Variants in ZSCAN25 observed in about 807,000 individuals in gnomAD.
ZSCAN25 encodes the protein zinc finger and SCAN domain-containing protein 25.
A neutral mutation model predicts 38.7 loss-of-function variants in ZSCAN25; 27 were observed. That is an observed-to-expected ratio of 0.70 (90% CI 0.51 to 0.96). The LOEUF is 0.96. ZSCAN25 is among the 40% of genes least tolerant of loss of function. The pLI, the probability that ZSCAN25 is intolerant of heterozygous loss-of-function variation, is 0.00. For missense variants in ZSCAN25, 637 were observed against 705.9 expected, an observed-to-expected ratio of 0.90 and a Z score of 1.11; for synonymous variants, 273 against 277.7, an observed-to-expected ratio of 0.98 and a Z score of 0.17.
chr7:99,655,668 G>T, the ZSCAN25 span, among the ~76,000 whole-genome samples: 1 of 152,150 alleles, frequency 6.6e-6, no homozygotes, highest in African/African-American at 2.4e-5. Context: ...ATTACCTTGG[G>T]CAGTATGGCC....
the ZSCAN25 span, chr7:99,695,610 C>G: frequency 2.7e-6 from 2 of 737,964 alleles, no homozygotes; most frequent in Admixed American, 2.8e-5. Context: ...TTGCCATGCT[C>G]TGGATGATGC....
At chr7:99,713,311 A>G in the ZSCAN25 span, among the ~76,000 whole-genome samples, 1 of 152,246 alleles carries the variant, frequency 6.6e-6, no homozygotes, top group Non-Finnish European at 1.5e-5. Context: ...GCATGCCTCT[A>G]GAAGTTGCCT....
the ZSCAN25 span, among the ~76,000 whole-genome samples, chr7:99,703,399 T>C: frequency 4.6e-5 from 7 of 152,212 alleles, no homozygotes; most frequent in East Asian, 9.6e-4. Context: ...GGGCGCTAAG[T>C]GTGCTCATTG....
the ZSCAN25 span, among the ~76,000 whole-genome samples, chr7:99,722,996 A>G: frequency 6.6e-6 from 1 of 151,274 alleles, no homozygotes; most frequent in Non-Finnish European, 1.5e-5. Context: ...ACAGAAAATT[A>G]TGACACTTGC....
the ZSCAN25 span, chr7:99,650,302 T>G: frequency 6.7e-7 from 1 of 1,493,010 alleles, no homozygotes; most frequent in Non-Finnish European, 9.2e-7. Flanking sequence ...TTAGGGGTTC[T>G]TACTTAAGAA....
the ZSCAN25 span, chr7:99,709,049 C>T: frequency 6.2e-7 from 1 of 1,613,958 alleles, no homozygotes; most frequent in Non-Finnish European, 8.5e-7. Context: ...CAGGGAGGAA[C>T]TTCTCAGGCT....
rs1286469339 is a variant in ZSCAN25, at chr7:99,619,589, C to T, written c.-18C>T. The T allele has an allele frequency of 3.1e-6, 5 of 1,601,994 alleles. No homozygotes were observed. The highest frequency in any genetic ancestry group is 3.4e-6 in the Non-Finnish European group (4 of 1,173,062). On this transcript the variant is annotated 5_prime_UTR_variant, in exon 4 of 8. Coordinates refer to ENST00000394152, the MANE Select transcript of ZSCAN25 (RefSeq NM_145115.3). ...CATTGATGCAGTCATTCTCAGTCTC[C>T]TCGGAGGGAGTCTGAAGATGCTTAA...
the ZSCAN25 span, among the ~76,000 whole-genome samples, chr7:99,718,671 A>G: frequency 6.2e-4 from 95 of 152,328 alleles, no homozygotes; most frequent in African/African-American, 2.2e-3. Flanking sequence ...TATACTGGGA[A>G]AAAGAATTAA....
the ZSCAN25 span, among the ~76,000 whole-genome samples, chr7:99,714,905 CT>C: frequency 6.6e-6 from 1 of 152,184 alleles, no homozygotes; most frequent in African/African-American, 2.4e-5. Flanking sequence ...TCAGCAGCCC[CT>C]TCTGCATCTT....
At chr7:99,715,706 A>G in the ZSCAN25 span, 98 of 1,612,610 alleles carry the variant, frequency 6.1e-5, no homozygotes, top group Non-Finnish European at 8.1e-5. Flanking sequence ...ATCTCAATAA[A>G]GCAGTTATTT....
In ZSCAN25 at chr7:99,631,206, A is replaced by G. The variant is rs757731252; in HGVS notation, c.*1186A>G. The G allele has an allele frequency of 1.0e-6, 1 of 985,250 alleles. No homozygotes were observed. The highest frequency in any genetic ancestry group is 1.2e-6 in the Non-Finnish European group (1 of 829,902). The allele number at this position is 985,250 out of a possible 1,614,324, so 61.0% of individuals were successfully genotyped here. A position where few individuals can be genotyped will look rare whatever the true frequency, so the allele number is the denominator to read the frequency against. ...TTGCCCTGAAATGCATTTGTCACCT[A>G]CCTCTTGTTACTAAATGGTCTCTGC... On this transcript the variant is annotated 3_prime_UTR_variant, in exon 8 of 8. Transcript: ENST00000394152.
At chr7:99,733,464 G>A in the ZSCAN25 span, among the ~76,000 whole-genome samples, 58 of 152,178 alleles carry the variant, frequency 3.8e-4, no homozygotes, top group Non-Finnish European at 7.8e-4. Context: ...TCTATTGCAT[G>A]TAATTGTATA....
the ZSCAN25 span, among the ~76,000 whole-genome samples, chr7:99,662,299 A>G: frequency 4.6e-5 from 7 of 152,246 alleles, no homozygotes; most frequent in Non-Finnish European, 1.0e-4. The surrounding 1 kb of genome is among the most constrained non-coding windows in gnomAD (Gnocchi z 4.3). Flanking sequence ...GGGTCATAAA[A>G]CTAGTAGATA....
At chr7:99,715,397 GAA>G in the ZSCAN25 span, 4 of 269,278 alleles carry the variant, frequency 1.5e-5, no homozygotes, top group African/African-American at 2.2e-5. Flanking sequence ...GCAGAAGAAA[GAA>G]AATAATACAG....
At chr7:99,695,703 C>G in the ZSCAN25 span, 1 of 1,545,510 alleles carries the variant, frequency 6.5e-7, no homozygotes, top group Non-Finnish European at 8.9e-7. Flanking sequence ...AAGCTGCTCT[C>G]TCCAATCATA....
the ZSCAN25 span, among the ~76,000 whole-genome samples, chr7:99,643,898 A>G: frequency 6.6e-6 from 1 of 151,668 alleles, no homozygotes; most frequent in Non-Finnish European, 1.5e-5. Flanking sequence ...GGGCCAGGCA[A>G]AAAGGAAGGA....
chr7:99,714,718 T>C, the ZSCAN25 span: 3 of 1,603,260 alleles, frequency 1.9e-6, no homozygotes, highest in Middle Eastern at 1.7e-4. Flanking sequence ...AACGAAACCA[T>C]TGTGAACATA....
the ZSCAN25 span, among the ~76,000 whole-genome samples, chr7:99,643,116 A>G: frequency 6.6e-6 from 1 of 152,300 alleles, no homozygotes; most frequent in Non-Finnish European, 1.5e-5. Context: ...TGAAGTAGAA[A>G]TAAAAATTCT....
At chr7:99,725,163 A>T in the ZSCAN25 span, among the ~76,000 whole-genome samples, 1 of 152,212 alleles carries the variant, frequency 6.6e-6, no homozygotes, top group Non-Finnish European at 1.5e-5. Flanking sequence ...ACCCAAGGTA[A>T]AGATGAAAAC....
Sources: gnomAD v4.1 joint callset for allele counts (sites outside exome capture counted in the v4.1 genomes callset) on GRCh38, gnomAD v4.1.1 for gene constraint, Gnocchi (gnomAD v3.1) non-coding constraint, MANE v1.5 for transcripts, NCBI Gene and HGNC (gene_info 2026-07-23, HGNC 2026-07-21) for gene names.